The following RASA3 variants were observed in gnomAD, a reference collection of about 807,000 sequenced individuals.
RASA3 encodes ras GTPase-activating protein 3.
A neutral mutation model predicts 110.0 loss-of-function variants in RASA3; 73 were observed. The observed-to-expected ratio is 0.66, with a 90% CI of 0.55 to 0.81. RASA3 has a LOEUF of 0.81. RASA3 is among the 30% of genes least tolerant of loss of function. The probability of loss-of-function intolerance (pLI) is 0.00; values close to 1 mark genes in which losing one functional copy is unlikely to be tolerated. For missense variants in RASA3, 976 were observed against 1,113.2 expected, an observed-to-expected ratio of 0.88 and a Z score of 1.75; for synonymous variants, 500 against 451.4, an observed-to-expected ratio of 1.11 and a Z score of -1.37.
Position 113,977,984 on chromosome 13 carries a change from C to G in RASA3, c.*1363G>C, listed in dbSNP as rs1241694920. The G allele has an allele frequency of 6.6e-6, 1 of 152,248 alleles. No homozygotes were observed. Among genetic ancestry groups the G allele is most frequent in the Non-Finnish European group, 1.5e-5 (1 of 68,052 alleles). 9.4% of individuals were successfully genotyped at this position (152,248 alleles called of 1,614,324 possible). ...TGACAAGAAAGTTCCTATCTGCCAT[C>G]TAGATCAAGAGCCTGAACTACAGTA... On this transcript the variant is annotated 3_prime_UTR_variant, in exon 24 of 24. Coordinates refer to ENST00000334062, the MANE Select transcript of RASA3 (RefSeq NM_007368.4).
At position 114,073,726 on chromosome 13, in the gene RASA3, G is replaced by A. The variant is rs1279489761; in HGVS notation, c.167C>T (p.Ser56Leu). 2.5e-6 allele frequency: 4 copies of A among 1,612,152 alleles called. No individual in the cohort carries two copies. The highest frequency in any genetic ancestry group is 3.4e-6 in the Non-Finnish European group (4 of 1,178,308). ...AAGCAACAGAAGACATTACCAGAGT[G>A]ACTTTTCCACAATTTTGGTCCTGAA... is the stretch of plus-strand genomic sequence containing the variant. ...EVFRTKIVEK[S>L]LCPFYGEDFY... The change falls in exon 2 of 24, where the codon TCA becomes TTA. Residue 56 changes from serine to leucine, a missense_variant. Ser to Leu is a moderately radical substitution (Grantham distance 145, BLOSUM62 -2). Transcript: ENST00000334062.
intron 9 of RASA3, 137 bp from the exon 10 acceptor site, chr13:114,019,056 T>C (rs1391610373): frequency 1.2e-5 from 14 of 1,121,676 alleles, no homozygotes; most frequent in African/African-American, 1.6e-5. Context: ...GTGCAGCCCC[T>C]GGGGACTCCC....
intron 21 of RASA3, among the ~76,000 whole-genome samples, chr13:113,993,938 A>G (rs2053177726): frequency 6.6e-6 from 1 of 151,676 alleles, no homozygotes; most frequent in Non-Finnish European, 1.5e-5. Flanking sequence ...ACCAACAGGG[A>G]GGGCCTGATA....
intron 3 of RASA3, among the ~76,000 whole-genome samples, chr13:114,041,326 A>T (rs1157375075): frequency 6.6e-6 from 1 of 152,254 alleles, no homozygotes; most frequent in Non-Finnish European, 1.5e-5. Flanking sequence ...CTCTACAAAA[A>T]ATAAAGGAAT....
chr13:114,041,700 C>T lies in RASA3; in HGVS notation c.278-606G>A, dbSNP rs1013498413. Among the ~76,000 whole-genome samples, 3 of 152,254 alleles carry T rather than the reference C, an allele frequency of 2.0e-5. No individual in the cohort carries two copies. The South Asian group carries it at 6.2e-4, about 31-fold the overall frequency. On this transcript the variant is annotated intron_variant, in intron 3 of 23. Coordinates refer to ENST00000334062, the MANE Select transcript of RASA3 (RefSeq NM_007368.4). Reference sequence around the variant, plus strand: ...AGGGTGCTTTCCGTGTGTGTGGACACGCACGTGTGTGCATGCATGTGGGTG... The same window carrying T: ...AGGGTGCTTTCCGTGTGTGTGGACATGCACGTGTGTGCATGCATGTGGGTG...
At chr13:114,088,158 C>T (rs896525654) in intron 1 of RASA3, among the ~76,000 whole-genome samples, 2 of 152,092 alleles carry the variant, frequency 1.3e-5, no homozygotes, top group South Asian at 4.1e-4. Context: ...AAGAGAGACA[C>T]ATCAGTCACA....
chr13:113,979,428 A>G lies in RASA3; in HGVS notation c.2430-6T>C. The G allele has an allele frequency of 6.3e-7, 1 of 1,589,926 alleles. No individual in the cohort carries two copies. Among genetic ancestry groups the G allele is most frequent in the Non-Finnish European group, 8.6e-7 (1 of 1,158,296 alleles). ...TGTCTCCGATGGGGTGCTCCCTGAA[A>G]AGGGGGATGGGAGAGGGAATGAGGC... is the stretch of plus-strand genomic sequence containing the variant. On this transcript the variant is annotated splice_polypyrimidine_tract_variant and splice_region_variant and intron_variant, in intron 23 of 23. Transcript: ENST00000334062.
At chr13:113,982,439 C>T (rs758281374) in intron 22 of RASA3, among the ~76,000 whole-genome samples, 6 of 152,372 alleles carry the variant, frequency 3.9e-5, no homozygotes, top group Middle Eastern at 3.4e-3. Context: ...ACCCCACCTA[C>T]GCACCGGGGC....
At chr13:114,001,665 G>C (rs2053406334) in intron 18 of RASA3, among the ~76,000 whole-genome samples, 1 of 150,036 alleles carries the variant, frequency 6.7e-6, no homozygotes, top group Non-Finnish European at 1.5e-5. Flanking sequence ...TGCGGCCGTG[G>C]GCTCGGGGTC....
At chr13:114,073,325 A>G (rs1327399466) in intron 2 of RASA3, among the ~76,000 whole-genome samples, 1 of 139,114 alleles carries the variant, frequency 7.2e-6, no homozygotes, top group Non-Finnish European at 1.5e-5. Context: ...ACATGGGAAA[A>G]TGGGACGGTG....
At chr13:113,982,878 G>C (rs1332909920) in intron 22 of RASA3, among the ~76,000 whole-genome samples, 1 of 152,188 alleles carries the variant, frequency 6.6e-6, no homozygotes, top group Non-Finnish European at 1.5e-5. Context: ...CCCAGAAGAG[G>C]ACCCGCAGTT....
Position 114,132,500 on chromosome 13 carries a change from C to CA in RASA3, c.-12_-11insT, listed in dbSNP as rs780903293. 8 of 1,460,754 alleles carry CA rather than the reference C, an allele frequency of 5.5e-6. No individual in the cohort carries two copies. The allele number at this position is 1,460,754 out of a possible 1,614,324, so 90.5% of individuals were successfully genotyped here. On this transcript the variant is annotated 5_prime_UTR_variant, in exon 1 of 24. Transcript: ENST00000334062. ...GTCCTCCACCGCCATGCTGCGCGTC[C>CA]GCGCCCGCCGAGCCTCGCCCCAAGC...
At chr13:114,013,121 G>T in intron 15 of RASA3, 21 bp downstream of exon 15, 1 of 1,603,064 alleles carries the variant, frequency 6.2e-7, no homozygotes, top group Non-Finnish European at 8.5e-7. Context: ...GAAAGCCTCG[G>T]TCCCTCAGCC....
intron 14 of RASA3, 92 bp downstream of exon 14, chr13:114,015,117 C>G: frequency 6.5e-7 from 1 of 1,538,422 alleles, no homozygotes; most frequent in Non-Finnish European, 8.9e-7. Context: ...TCTAGTCTAG[C>G]CAGGGCTGCG....
Position 114,018,826 on chromosome 13 carries a change from G to A in RASA3, c.879C>T (p.His293=), listed in dbSNP as rs768554923. Residue 293 remains histidine, a synonymous_variant, in exon 10 of 24, where the codon CAC becomes CAT. Transcript: ENST00000334062. ...GGCTGTAATAGTCAGAAGAAAACAC[G>A]TGGTCTTCCGTGTATACCACGTTCA... ...LRLNVVYTED[H]VFSSDYYSPL... 5.0e-6 allele frequency: 8 copies of A among 1,613,718 alleles called. No homozygotes were observed. The highest frequency in any genetic ancestry group is 4.0e-5 in the African/African-American group (3 of 74,948).
rs369018346 is a variant in RASA3 at position 114,057,486 on chromosome 13, T to C, written c.174-5331A>G. The C allele has an allele frequency of 7.1e-6, 7 of 985,306 alleles. No individual in the cohort carries two copies. Among genetic ancestry groups the C allele is most frequent in the South Asian group, 4.7e-5 (1 of 21,290 alleles). 61.0% of individuals were successfully genotyped at this position (985,306 alleles called of 1,614,324 possible). ...GCTGGAGCCAGTCTCTGTGCCAGAATAGAGGGTTCGTTCAGCTTCTTAGAC... is the reference window on the plus strand; with the variant it reads ...GCTGGAGCCAGTCTCTGTGCCAGAACAGAGGGTTCGTTCAGCTTCTTAGAC... On this transcript the variant is annotated intron_variant, in intron 2 of 23. Coordinates refer to ENST00000334062, the MANE Select transcript of RASA3 (RefSeq NM_007368.4). The surrounding 1 kb of genome is among the most constrained non-coding windows in gnomAD (Gnocchi z 5.0).
chr13:114,016,891 C>T (rs1032407667), intron 12 of RASA3, among the ~76,000 whole-genome samples: 2 of 152,168 alleles, frequency 1.3e-5, no homozygotes, highest in African/African-American at 4.8e-5. Flanking sequence ...ACTGGGCGTG[C>T]AGCTCAAACA....
chr13:114,126,657 T>C (rs566797695), intron 1 of RASA3, among the ~76,000 whole-genome samples: 27 of 152,356 alleles, frequency 1.8e-4, no homozygotes, highest in Admixed American at 1.3e-3. Context: ...ATTATATATT[T>C]GCTTACATAG....
chr13:114,002,616 G>A (rs768500273), intron 18 of RASA3, among the ~76,000 whole-genome samples: 46 of 152,164 alleles, frequency 3.0e-4, no homozygotes, highest in Admixed American at 7.9e-4. Flanking sequence ...AAATGTTTTC[G>A]GCTTTAGGAT....
Sources: gnomAD v4.1 joint callset for allele counts (sites outside exome capture counted in the v4.1 genomes callset) on GRCh38, gnomAD v4.1.1 for gene constraint, Gnocchi (gnomAD v3.1) non-coding constraint, MANE v1.5 for transcripts, NCBI Gene and HGNC (gene_info 2026-07-23, HGNC 2026-07-21) for gene names.